Variants in ARHGEF38 observed in about 807,000 individuals in gnomAD.
ARHGEF38 encodes the protein Rho guanine nucleotide exchange factor (GEF) 38.
Under a neutral mutation model 79.9 loss-of-function variants are expected in ARHGEF38, and 79 were observed. The observed-to-expected ratio is 0.99, with a 90% CI of 0.82 to 1.19. The LOEUF (loss-of-function observed/expected upper bound fraction) is 1.19, where lower values mean the gene tolerates loss of function less well. Among genes scored for constraint, ARHGEF38 ranks in the 50% most tolerant of loss-of-function variants. The pLI is 0.00. For missense variants in ARHGEF38, 962 were observed against 907.2 expected (o/e 1.06, Z -0.78); for synonymous variants, 366 against 328.3 (o/e 1.11, Z -1.24).
At chr4:105,667,053 GA>G in intron 11 of ARHGEF38, 75 bp from the exon 12 acceptor site, 1 of 1,269,096 alleles carries the variant, frequency 7.9e-7, no homozygotes, top group East Asian at 2.5e-5. Context: ...AATCTCCAGG[GA>G]AAAAATATTT....
At position 105,659,693 on chromosome 4, in the gene ARHGEF38, AT is replaced by A. The variant is rs780189546; in HGVS notation, c.1545+335del. Among the ~76,000 whole-genome samples the A allele has an allele frequency of 3.3e-5, 5 of 152,100 alleles. No homozygotes were observed. The East Asian group carries it at 5.8e-4, about 18-fold the overall frequency. ...AGCTTATCAACAATTTATATTTTGT[AT>A]TTTTTTCTGATCAATAGTTCTTAGA... On this transcript the variant is annotated intron_variant, in intron 10 of 13. Coordinates refer to ENST00000420470, the MANE Select transcript of ARHGEF38 (RefSeq NM_001242729.2).
intron 5 of ARHGEF38, among the ~76,000 whole-genome samples, chr4:105,643,449 C>A (rs772161953): frequency 1.4e-4 from 22 of 152,200 alleles, no homozygotes; most frequent in South Asian, 2.1e-4. Context: ...AAAAATGTTG[C>A]CTTTGGGTTT....
At chr4:105,587,780 G>A (rs7684891) in intron 1 of ARHGEF38, among the ~76,000 whole-genome samples, 294 of 152,214 alleles carry the variant, frequency 1.9e-3, no homozygotes, top group African/African-American at 6.8e-3. Context: ...TATTTCCTTA[G>A]CACTAAATAG....
At chr4:105,577,248 C>T (rs1438733347) in intron 1 of ARHGEF38, among the ~76,000 whole-genome samples, 1 of 105,540 alleles carries the variant, frequency 9.5e-6, no homozygotes, top group Non-Finnish European at 1.8e-5. Context: ...CTATCCCTCC[C>T]CCCTCCCCCC....
intron 2 of ARHGEF38, among the ~76,000 whole-genome samples, chr4:105,607,402 T>C (rs1252852299): frequency 1.3e-5 from 2 of 151,984 alleles, no homozygotes; most frequent in Admixed American, 6.6e-5. Flanking sequence ...CCTACAAGAG[T>C]AAATAGATCA....
intron 5 of ARHGEF38, among the ~76,000 whole-genome samples, chr4:105,640,241 A>G (rs1729564479): frequency 6.6e-6 from 1 of 152,160 alleles, no homozygotes; most frequent in South Asian, 2.1e-4. Flanking sequence ...TCTGATTATT[A>G]TATCTAAGTA....
intron 1 of ARHGEF38, among the ~76,000 whole-genome samples, chr4:105,581,862 T>C (rs1229423592): frequency 6.6e-6 from 1 of 152,102 alleles, no homozygotes; most frequent in Non-Finnish European, 1.5e-5. Flanking sequence ...TTTTAGGATT[T>C]CTTAAAATCT....
chr4:105,563,324 T>C (rs191898730), intron 1 of ARHGEF38: 1 of 152,178 alleles, frequency 6.6e-6, no homozygotes, highest in Non-Finnish European at 1.5e-5. Flanking sequence ...CAGAAGCCAT[T>C]CCAGGCAGAG....
At chr4:105,677,120 C>A (rs1382772182) in intron 13 of ARHGEF38, among the ~76,000 whole-genome samples, 1 of 152,036 alleles carries the variant, frequency 6.6e-6, no homozygotes, top group African/African-American at 2.4e-5. Flanking sequence ...CACGCCACCA[C>A]GCCCAGCTAA....
At chr4:105,559,423 T>A (rs1725411294) in intron 1 of ARHGEF38, among the ~76,000 whole-genome samples, 1 of 152,052 alleles carries the variant, frequency 6.6e-6, no homozygotes, top group Non-Finnish European at 1.5e-5. Context: ...TTGATCATGC[T>A]GGAGTGTTCA....
intron 3 of ARHGEF38, among the ~76,000 whole-genome samples, chr4:105,622,960 T>C (rs116715786): frequency 4.6e-5 from 7 of 152,308 alleles, no homozygotes; most frequent in African/African-American, 1.4e-4. Flanking sequence ...TATTTTTAAC[T>C]GGGTGTGTTA....
chr4:105,601,711 G>A (rs1047776567), intron 2 of ARHGEF38, among the ~76,000 whole-genome samples: 2 of 151,994 alleles, frequency 1.3e-5, no homozygotes, highest in African/African-American at 4.8e-5. Context: ...AGGCATCAGC[G>A]GTCAGAGAAA....
At chr4:105,615,950 C>T (rs954527159) in intron 3 of ARHGEF38, among the ~76,000 whole-genome samples, 2 of 152,108 alleles carry the variant, frequency 1.3e-5, no homozygotes, top group Admixed American at 6.5e-5. Flanking sequence ...CTGCAGACCC[C>T]GCCATCTACT....
intron 5 of ARHGEF38, among the ~76,000 whole-genome samples, chr4:105,636,690 A>C (rs763625373): frequency 2.0e-5 from 3 of 152,098 alleles, no homozygotes; most frequent in Non-Finnish European, 2.9e-5. Flanking sequence ...ACTGCTCATC[A>C]TACATATGTT....
chr4:105,566,776 G>A (rs1336339254), intron 1 of ARHGEF38, among the ~76,000 whole-genome samples: 5 of 143,352 alleles, frequency 3.5e-5, no homozygotes, highest in Non-Finnish European at 6.0e-5. Flanking sequence ...TTTAAGAGAC[G>A]GAGTTTTGCT....
chr4:105,563,708 G>T (rs1190407533), intron 1 of ARHGEF38, among the ~76,000 whole-genome samples: 1 of 152,096 alleles, frequency 6.6e-6, no homozygotes, highest in African/African-American at 2.4e-5. Flanking sequence ...TTGCTCTTAA[G>T]AAATCAACTG....
chr4:105,672,116 A>G (rs905384922), intron 13 of ARHGEF38, among the ~76,000 whole-genome samples: 1 of 152,144 alleles, frequency 6.6e-6, no homozygotes, highest in African/African-American at 2.4e-5. Flanking sequence ...TGAATTTTTA[A>G]CCTGGACGCG....
chr4:105,585,018 A>AT (rs950720962), intron 1 of ARHGEF38, among the ~76,000 whole-genome samples: 1 of 151,758 alleles, frequency 6.6e-6, no homozygotes, highest in African/African-American at 2.4e-5. Flanking sequence ...CAGCATCCCT[A>AT]TTTTTTTTCC....
At chr4:105,604,104 G>GGAGGCAAAGCAGAAAAGAGGTGCA (rs1318984442) in intron 2 of ARHGEF38, among the ~76,000 whole-genome samples, 24 of 152,260 alleles carry the variant, frequency 1.6e-4, no homozygotes, top group African/African-American at 5.8e-4. Context: ...CCATGCGGCA[G>GGAGGCAAAGCAGAAAAGAGGTGCA]GAGGCAAAGC....
Sources: gnomAD v4.1 joint callset for allele counts (sites outside exome capture counted in the v4.1 genomes callset) on GRCh38, gnomAD v4.1.1 for gene constraint, MANE v1.5 for transcripts, NCBI Gene and HGNC (gene_info 2026-07-23, HGNC 2026-07-21) for gene names.